RHOBTB1: variants seen among roughly 807,000 people sequenced by gnomAD.
RHOBTB1 encodes the protein rho-related BTB domain-containing protein 1.
A neutral mutation model predicts 71.6 loss-of-function variants in RHOBTB1; 40 were observed. The ratio of observed to expected loss-of-function variants is 0.56; its 90% CI spans 0.43 to 0.73. RHOBTB1 has a LOEUF of 0.73. Ranked by LOEUF, RHOBTB1 falls within the 30% of genes least tolerant of loss-of-function variation. RHOBTB1 has a pLI of 0.00. For synonymous variants in RHOBTB1, 319 were observed against 334.9 expected (o/e 0.95, Z 0.52); for missense variants, 797 against 894.0 (o/e 0.89, Z 1.38).
chr10:60,924,020 T>C (rs1334599331), intron 2 of RHOBTB1, among the ~76,000 whole-genome samples: 1 of 151,914 alleles, frequency 6.6e-6, no homozygotes, highest in African/African-American at 2.4e-5. Flanking sequence ...TAGAACAAAA[T>C]GTTCCCACTA....
Position 60,888,923 on chromosome 10 carries a change from G to C in RHOBTB1, c.745C>G (p.Pro249Ala), listed in dbSNP as rs761383014. The change falls in exon 6 of 11, where the codon CCT (proline) becomes GCT (alanine). Residue 249 changes from proline to alanine, a missense_variant. Transcript: ENST00000337910. ...GCAGCTTCATTTGTCCCCATGGAAG[G>C]ACACTCTGGAATTTTGATGACCGGT... ...PPPVIKIPEC[P>A]SMGTNEAACL... 1.2e-6 allele frequency: 2 copies of C among 1,614,092 alleles called. No individual in the cohort carries two copies. The highest frequency in any genetic ancestry group is 3.3e-5 in the Admixed American group (2 of 60,004).
chr10:60,944,918 T>C (rs1224193861), upstream of RHOBTB1, among the ~76,000 whole-genome samples: 1 of 152,184 alleles, frequency 6.6e-6, no homozygotes, highest in East Asian at 1.9e-4. Flanking sequence ...TATAACCTCC[T>C]GCAAATGGCT....
intron 2 of RHOBTB1, among the ~76,000 whole-genome samples, chr10:60,968,406 G>A (rs751355357): frequency 1.3e-5 from 2 of 152,086 alleles, no homozygotes; most frequent in Non-Finnish European, 2.9e-5. Flanking sequence ...ACAGGAGTAT[G>A]AGCACCAAAA....
intron 9 of RHOBTB1, among the ~76,000 whole-genome samples, chr10:60,872,846 A>G (rs945337888): frequency 6.6e-6 from 1 of 152,166 alleles, no homozygotes. Flanking sequence ...AGCAATGCTC[A>G]GGAAGGTGGC....
intron 2 of RHOBTB1, among the ~76,000 whole-genome samples, chr10:60,984,065 C>T (rs2086586685): frequency 1.3e-5 from 2 of 152,162 alleles, no homozygotes; most frequent in Admixed American, 1.3e-4. Context: ...AATTGTTGTA[C>T]TCTGTTCCTC....
At chr10:60,927,868 G>T (rs2083982015) in intron 2 of RHOBTB1, among the ~76,000 whole-genome samples, 2 of 152,034 alleles carry the variant, frequency 1.3e-5, no homozygotes, top group Non-Finnish European at 2.9e-5. Flanking sequence ...CACAGCAAAG[G>T]AAACGGTCAA....
At chr10:60,954,134 G>A (rs1227933237) in intron 2 of RHOBTB1, among the ~76,000 whole-genome samples, 3 of 152,306 alleles carry the variant, frequency 2.0e-5, no homozygotes, top group African/African-American at 4.8e-5. Context: ...AGCCTGGTGA[G>A]AATATAGACC....
intron 2 of RHOBTB1, among the ~76,000 whole-genome samples, chr10:60,938,589 T>C (rs1037050550): frequency 6.6e-6 from 1 of 152,160 alleles, no homozygotes; most frequent in Non-Finnish European, 1.5e-5. Context: ...GTTAGCCAAT[T>C]TATCCAGGCA....
upstream of RHOBTB1, among the ~76,000 whole-genome samples, chr10:61,001,716 C>G (rs1181581775): frequency 1.3e-5 from 2 of 152,166 alleles, no homozygotes; most frequent in Middle Eastern, 3.2e-3. Context: ...CCTCCCCCCG[C>G]CCCCCAGGGC....
At chr10:60,972,170 C>T (rs1407965362) in intron 2 of RHOBTB1, among the ~76,000 whole-genome samples, 1 of 152,226 alleles carries the variant, frequency 6.6e-6, no homozygotes, top group East Asian at 1.9e-4. Context: ...ACCATTTGAC[C>T]CAGCAATCCC....
chr10:60,984,984 T>A (rs1476359979), intron 2 of RHOBTB1, among the ~76,000 whole-genome samples: 1 of 152,212 alleles, frequency 6.6e-6, no homozygotes, highest in Non-Finnish European at 1.5e-5. Context: ...TTATGATTTG[T>A]TGAAGTTACT....
At chr10:60,868,810 C>A (rs753716558), downstream of RHOBTB1, among the ~76,000 whole-genome samples, 1 of 152,174 alleles carries the variant, frequency 6.6e-6, no homozygotes, top group African/African-American at 2.4e-5. Context: ...GTAAAAGGTG[C>A]CATGATTGGG....
the RHOBTB1 span, among the ~76,000 whole-genome samples, chr10:60,864,035 C>CGTG: frequency 3.9e-5 from 6 of 152,158 alleles, no homozygotes; most frequent in African/African-American, 1.4e-4. Context: ...TTCGACCACT[C>CGTG]GTGCAGGAAT....
chr10:60,875,110 G>T (rs1589147293), intron 8 of RHOBTB1, 68 bp from the exon 9 acceptor site: 1 of 1,146,170 alleles, frequency 8.7e-7, no homozygotes, highest in East Asian at 2.4e-5. Flanking sequence ...TTGCCTGGAG[G>T]GTTGGTCTGG....
chr10:60,922,736 T>C (rs1432853467), intron 2 of RHOBTB1, among the ~76,000 whole-genome samples: 1 of 152,144 alleles, frequency 6.6e-6, no homozygotes, highest in Non-Finnish European at 1.5e-5. Flanking sequence ...TTGCTGACCA[T>C]CCCTTGCTGA....
intron 2 of RHOBTB1, among the ~76,000 whole-genome samples, chr10:60,912,165 TA>T (rs1357581428): frequency 6.6e-6 from 1 of 152,124 alleles, no homozygotes; most frequent in Non-Finnish European, 1.5e-5. Flanking sequence ...TTATTTGTAT[TA>T]ATCAAATTCA....
intron 2 of RHOBTB1, among the ~76,000 whole-genome samples, chr10:60,958,625 A>G (rs1222571427): frequency 2.0e-5 from 3 of 152,166 alleles, no homozygotes; most frequent in Non-Finnish European, 2.9e-5. Flanking sequence ...TTTGTTCAAA[A>G]AGGGGTCTCA....
chr10:60,966,306 A>G (rs1235704744), intron 2 of RHOBTB1, among the ~76,000 whole-genome samples: 1 of 148,498 alleles, frequency 6.7e-6, no homozygotes, highest in East Asian at 2.0e-4. Context: ...TTATATTCGA[A>G]AAAAAAAAAA....
chr10:60,958,393 T>C (rs2085665926), intron 2 of RHOBTB1, among the ~76,000 whole-genome samples: 1 of 152,200 alleles, frequency 6.6e-6, no homozygotes, highest in Non-Finnish European at 1.5e-5. Flanking sequence ...GTTTGGGATC[T>C]TAATATTGCA....
Sources: gnomAD v4.1 joint callset for allele counts (sites outside exome capture counted in the v4.1 genomes callset) on GRCh38, gnomAD v4.1.1 for gene constraint, MANE v1.5 for transcripts, NCBI Gene and HGNC (gene_info 2026-07-23, HGNC 2026-07-21) for gene names.